The following TTLL9 variants were observed in gnomAD, a reference collection of about 807,000 sequenced individuals.
TTLL9 encodes the protein tubulin tyrosine ligase like 9, also known as probable tubulin polyglutamylase TTLL9.
Under a neutral mutation model 65.6 loss-of-function variants are expected in TTLL9, and 47 were observed. That is an observed-to-expected ratio of 0.72 (90% CI 0.57 to 0.91). The LOEUF is 0.91. TTLL9 is among the 40% of genes least tolerant of loss of function. The pLI is 0.00. For missense variants in TTLL9, 537 were observed against 568.8 expected (o/e 0.94, Z 0.57); for synonymous variants, 179 against 204.8 (o/e 0.87, Z 1.07).
intron 6 of TTLL9, among the ~76,000 whole-genome samples, chr20:31,911,922 C>T (rs936228873): frequency 6.0e-5 from 9 of 151,206 alleles, no homozygotes; most frequent in Non-Finnish European, 1.2e-4. Context: ...GGAGAGTGGG[C>T]GCTTCTGTGC....
chr20:31,873,243 AG>A (rs1354003832), intron 2 of TTLL9, among the ~76,000 whole-genome samples: 2 of 152,230 alleles, frequency 1.3e-5, no homozygotes, highest in African/African-American at 4.8e-5. Flanking sequence ...AAATGAAAGC[AG>A]GGGTGTTCAC....
chr20:31,906,048 A>G (rs1196426840), intron 4 of TTLL9, among the ~76,000 whole-genome samples: 1 of 151,876 alleles, frequency 6.6e-6, no homozygotes, highest in Non-Finnish European at 1.5e-5. Flanking sequence ...AAAAAAAAAA[A>G]AAAAAAAGGA....
At chr20:31,880,816 T>A (rs949163838) in intron 2 of TTLL9, among the ~76,000 whole-genome samples, 1 of 151,330 alleles carries the variant, frequency 6.6e-6, no homozygotes, top group Admixed American at 6.6e-5. Context: ...CCAGCTCTCA[T>A]TCATGAATGG....
intron 4 of TTLL9, among the ~76,000 whole-genome samples, chr20:31,905,607 T>A (rs2063544070): frequency 6.6e-6 from 1 of 152,108 alleles, no homozygotes; most frequent in African/African-American, 2.4e-5. Context: ...GATGTCCATC[T>A]CTGGACATCT....
chr20:31,934,844 C>T lies in TTLL9; in HGVS notation c.960C>T (p.Phe320=), dbSNP rs1334112543. Residue 320 remains phenylalanine (F), a synonymous_variant, in exon 12 of 15, where the codon TTC becomes TTT. Coordinates refer to ENST00000535842, the MANE Select transcript of TTLL9 (RefSeq NM_001008409.5). ...TGATCATCAGTGACAAGCACTGCTT[C>T]GAGCTGTACGGCTATGACATCCTCA... is the stretch of plus-strand genomic sequence containing the variant. ...QKVIISDKHC[F]ELYGYDILID... is the part of the protein sequence containing the mutation. 1.5e-5 allele frequency: 24 copies of T among 1,613,904 alleles called. No individual in the cohort carries two copies. Among genetic ancestry groups the T allele is most frequent in the African/African-American group, 1.2e-4 (9 of 74,924 alleles).
At chr20:31,921,081 T>C (rs1480647412) in intron 7 of TTLL9, among the ~76,000 whole-genome samples, 1 of 152,180 alleles carries the variant, frequency 6.6e-6, no homozygotes. Context: ...TGAAAATGGA[T>C]ATCTGTGCTC....
Position 31,908,598 on chromosome 20 carries a change from G to A in TTLL9, c.214G>A (p.Glu72Lys), listed in dbSNP as rs2063595242. The change falls in exon 5 of 15, where the codon GAG becomes AAG. Residue 72 changes from glutamate (E) to lysine (K), a missense_variant. Transcript: ENST00000535842. ...PGWVEVKDEG[E>K]WDFYWCDVSW... The stretch of plus-strand genomic sequence containing the variant: ...CCCCCACCCCACCCCCAGCGAAGGG[G>A]AGTGGGATTTCTACTGGTGTGACGT... 6.2e-7 allele frequency: 1 copy of A among 1,613,794 alleles called. No individual in the cohort carries two copies. Among genetic ancestry groups the A allele is most frequent in the South Asian group, 1.1e-5 (1 of 91,074 alleles).
chr20:31,885,384 A>G (rs1266751868), intron 2 of TTLL9, among the ~76,000 whole-genome samples: 2 of 152,266 alleles, frequency 1.3e-5, no homozygotes, highest in East Asian at 3.8e-4. Context: ...AGATCCACGT[A>G]TGCATGGTCA....
intron 6 of TTLL9, among the ~76,000 whole-genome samples, chr20:31,910,706 G>A (rs2063633950): frequency 6.6e-6 from 1 of 152,170 alleles, no homozygotes; most frequent in Admixed American, 6.5e-5. Context: ...AAAGCACATA[G>A]TAAGTACTCA....
chr20:31,912,255 C>T (rs148247327), intron 6 of TTLL9, among the ~76,000 whole-genome samples: 253 of 152,260 alleles, frequency 1.7e-3, no homozygotes, highest in African/African-American at 5.9e-3. Context: ...GTTTCTCAAA[C>T]GCTACAGTGC....
At chr20:31,884,028 C>A in intron 2 of TTLL9, 3 of 524,938 alleles carry the variant, frequency 5.7e-6, no homozygotes, top group Non-Finnish European at 1.0e-5. Context: ...CAGATGACAT[C>A]ATTGTATCCA....
In TTLL9 at chr20:31,937,099, C is replaced by CAA. The variant is rs59705348; in HGVS notation, c.1005-280_1005-279dup. 2.8e-3 allele frequency among the ~76,000 whole-genome samples: 264 copies of CAA among 93,472 alleles called. 2 individuals are homozygous for CAA. Among genetic ancestry groups the CAA allele is most frequent in the Middle Eastern group, 5.9e-3 (1 of 170 alleles). 61.3% of individuals were successfully genotyped at this position (93,472 alleles called of 152,430 possible). A position where few individuals can be genotyped will look rare whatever the true frequency, so the allele number is the denominator to read the frequency against. Reference sequence around the variant, plus strand: ...GGCGACAAGAGCAAAACTCCCTCTCCAAAAAAAAAAAAAAAAAAGTGGGAG... The same window carrying CAA: ...GGCGACAAGAGCAAAACTCCCTCTCCAAAAAAAAAAAAAAAAAAAAGTGGGAG... On this transcript the variant is annotated intron_variant, in intron 12 of 14. Coordinates refer to ENST00000535842, the MANE Select transcript of TTLL9 (RefSeq NM_001008409.5).
At position 31,934,679 on chromosome 20, in the gene TTLL9, G is replaced by T. The variant is rs760129742; in HGVS notation, c.808-13G>T. 8.1e-6 allele frequency: 13 copies of T among 1,603,240 alleles called. No individual in the cohort carries two copies. In the Admixed American group the frequency reaches 8.5e-5, roughly 10 times the overall value. ...CTGAGGCTCCTCTCTCGACCCGGCT[G>T]CCCGGGGCCCAGGGCTGCAAGTGGA... is the stretch of plus-strand genomic sequence containing the variant. On this transcript the variant is annotated splice_polypyrimidine_tract_variant and intron_variant, in intron 11 of 14. Transcript: ENST00000535842.
chr20:31,890,484 C>T (rs567389811), intron 3 of TTLL9, among the ~76,000 whole-genome samples: 8 of 152,208 alleles, frequency 5.3e-5, no homozygotes, highest in African/African-American at 1.9e-4. Flanking sequence ...GTTATTTACC[C>T]ATCTTCCTGT....
At chr20:31,931,942 C>T (rs1208602792) in intron 10 of TTLL9, among the ~76,000 whole-genome samples, 1 of 152,114 alleles carries the variant, frequency 6.6e-6, no homozygotes, top group East Asian at 1.9e-4. Context: ...GGTGTCATAT[C>T]TAAGAAGATC....
chr20:31,917,936 CTCTTTAT>C (rs1555833601), intron 6 of TTLL9, among the ~76,000 whole-genome samples: 1 of 148,248 alleles, frequency 6.7e-6, no homozygotes, highest in Non-Finnish European at 1.5e-5. Context: ...GCTTCTGTGT[CTCTTTAT>C]TGTGCTTATC....
Position 31,871,140 on chromosome 20 carries a change from G to A in TTLL9, c.14G>A (p.Arg5Lys). ...CCCCTAGGAGGGATGGTGCCATCCA[G>A]GGAAGCTCTGCTGGGACCAGGCACA... MVPS[R>K]EALLGPGTTA... is the part of the protein sequence containing the mutation. The change falls in exon 2 of 15, where the codon AGG becomes AAG. Residue 5 changes from arginine (R) to lysine (K), a missense_variant. Transcript: ENST00000535842. 1 of 1,614,114 alleles carries A rather than the reference G, an allele frequency of 6.2e-7. No individual in the cohort carries two copies. Among genetic ancestry groups the A allele is most frequent in the Non-Finnish European group, 8.5e-7 (1 of 1,180,030 alleles).
chr20:31,914,651 A>C (rs1185386548), intron 6 of TTLL9, among the ~76,000 whole-genome samples: 3 of 152,188 alleles, frequency 2.0e-5, no homozygotes, highest in Non-Finnish European at 4.4e-5. Flanking sequence ...TCAGGCCTCC[A>C]AGGAAGCGAA....
intron 2 of TTLL9, among the ~76,000 whole-genome samples, chr20:31,879,287 C>T (rs541211207): frequency 2.6e-5 from 4 of 152,358 alleles, no homozygotes; most frequent in African/African-American, 9.6e-5. Flanking sequence ...CGCCAATGCA[C>T]TCCAACCTGG....
Sources: gnomAD v4.1 joint callset for allele counts (sites outside exome capture counted in the v4.1 genomes callset) on GRCh38, gnomAD v4.1.1 for gene constraint, MANE v1.5 for transcripts, NCBI Gene and HGNC (gene_info 2026-07-23, HGNC 2026-07-21) for gene names.